The following NEGR1 variants were observed in gnomAD, a reference collection of about 807,000 sequenced individuals.
NEGR1 encodes the protein IgLON family member 4.
NEGR1 carries 10 observed loss-of-function variants against 40.9 expected under a neutral mutation model. The observed-to-expected ratio is 0.24, with a 90% CI of 0.15 to 0.42. The LOEUF is 0.42. NEGR1 is among the 10% of genes least tolerant of loss of function. The pLI is 1.00. For synonymous variants in NEGR1, 185 were observed against 166.8 expected (o/e 1.11, Z -0.84); for missense variants, 352 against 438.9 (o/e 0.80, Z 1.77).
chr1:71,947,023 G>T (rs1646026033), intron 1 of NEGR1, among the ~76,000 whole-genome samples: 1 of 150,248 alleles, frequency 6.7e-6, no homozygotes, highest in Non-Finnish European at 1.5e-5. Flanking sequence ...GGGAGGTGGA[G>T]GTTGCAGTGA....
intron 3 of NEGR1, among the ~76,000 whole-genome samples, chr1:71,700,847 A>T (rs867271938): frequency 6.6e-6 from 1 of 151,984 alleles, no homozygotes; most frequent in Non-Finnish European, 1.5e-5. Flanking sequence ...TCTGGGAGGG[A>T]CAATACTAAT....
intron 3 of NEGR1, among the ~76,000 whole-genome samples, chr1:71,727,585 A>G (rs950489410): frequency 6.6e-6 from 1 of 152,170 alleles, no homozygotes; most frequent in African/African-American, 2.4e-5. Context: ...GCACAAATAC[A>G]AGAAAGAACA....
At chr1:71,690,088 T>C (rs912669551) in intron 4 of NEGR1, among the ~76,000 whole-genome samples, 2 of 152,022 alleles carry the variant, frequency 1.3e-5, no homozygotes, top group African/African-American at 2.4e-5. Flanking sequence ...ATTTCTACCA[T>C]ACTCTGCCCC....
At chr1:71,962,203 G>T (rs535105090) in intron 1 of NEGR1, among the ~76,000 whole-genome samples, 1 of 152,150 alleles carries the variant, frequency 6.6e-6, no homozygotes, top group East Asian at 1.9e-4. Context: ...ATGTGCACTT[G>T]TCAACACAAA....
chr1:72,236,900 G>T (rs1654566461), intron 1 of NEGR1, among the ~76,000 whole-genome samples: 2 of 151,812 alleles, frequency 1.3e-5, no homozygotes, highest in Non-Finnish European at 2.9e-5. Context: ...CTAAACCAGG[G>T]TTAAAATATT....
intron 4 of NEGR1, among the ~76,000 whole-genome samples, chr1:71,674,590 A>G (rs950139518): frequency 4.2e-5 from 5 of 119,740 alleles, no homozygotes; most frequent in East Asian, 2.0e-4. Context: ...GGGAGGGCAC[A>G]CACACACACA....
chr1:71,500,911 A>C (rs1646994265), intron 6 of NEGR1, among the ~76,000 whole-genome samples: 1 of 151,822 alleles, frequency 6.6e-6, no homozygotes, highest in African/African-American at 2.4e-5. Context: ...GTTATTTTTT[A>C]TTTTTTGAAT....
At chr1:72,010,243 C>T (rs1462107711) in intron 1 of NEGR1, among the ~76,000 whole-genome samples, 3 of 151,980 alleles carry the variant, frequency 2.0e-5, no homozygotes, top group Non-Finnish European at 4.4e-5. Context: ...CTGCTGACAC[C>T]TGTGGTTGCC....
chr1:71,712,592 A>G (rs561210680), intron 3 of NEGR1, among the ~76,000 whole-genome samples: 79 of 152,330 alleles, frequency 5.2e-4, no homozygotes, highest in African/African-American at 1.9e-3. Flanking sequence ...CATAAGTTCA[A>G]GTACAGAGAT....
chr1:71,566,192 AT>A (rs927055652), intron 6 of NEGR1, among the ~76,000 whole-genome samples: 1 of 152,076 alleles, frequency 6.6e-6, no homozygotes, highest in South Asian at 2.1e-4. Context: ...GTTTGTAGTA[AT>A]TTTTTATGAC....
intron 2 of NEGR1, among the ~76,000 whole-genome samples, chr1:71,927,962 A>G (rs934831765): frequency 6.8e-6 from 1 of 148,018 alleles, no homozygotes; most frequent in Non-Finnish European, 1.5e-5. Context: ...CTGAGCCACT[A>G]CACTTCAGCC....
At chr1:71,574,599 A>T (rs953830133) in intron 6 of NEGR1, among the ~76,000 whole-genome samples, 5 of 152,136 alleles carry the variant, frequency 3.3e-5, no homozygotes, top group African/African-American at 1.2e-4. Context: ...GAAGTAGGTG[A>T]TGGGAGTTTA....
chr1:71,803,078 A>G (rs1557658160), intron 2 of NEGR1, among the ~76,000 whole-genome samples: 1 of 152,132 alleles, frequency 6.6e-6, no homozygotes, highest in Non-Finnish European at 1.5e-5. Flanking sequence ...TATATGTTGA[A>G]ATCCTAACCT....
At chr1:71,770,648 A>G (rs1656285320) in intron 3 of NEGR1, among the ~76,000 whole-genome samples, 1 of 152,226 alleles carries the variant, frequency 6.6e-6, no homozygotes, top group Non-Finnish European at 1.5e-5. Flanking sequence ...ATAAGGACAC[A>G]GGAGACCGAT....
chr1:71,845,800 C>T (rs1659387511), intron 2 of NEGR1, among the ~76,000 whole-genome samples: 1 of 152,026 alleles, frequency 6.6e-6, no homozygotes, highest in South Asian at 2.1e-4. Flanking sequence ...TGCTGTGTCA[C>T]TCATGCTGAA....
At chr1:71,787,842 C>G (rs969143365) in intron 2 of NEGR1, among the ~76,000 whole-genome samples, 3 of 152,156 alleles carry the variant, frequency 2.0e-5, no homozygotes, top group Non-Finnish European at 4.4e-5. Flanking sequence ...TTGGCAAGGC[C>G]TTCAGACTAT....
At chr1:72,171,389 T>C (rs1651959520) in intron 1 of NEGR1, among the ~76,000 whole-genome samples, 2 of 152,276 alleles carry the variant, frequency 1.3e-5, no homozygotes, top group South Asian at 4.1e-4. Context: ...CCCTTTGCCC[T>C]TTCTGGCACC....
chr1:71,609,863 C>A (rs1299390532), intron 5 of NEGR1, among the ~76,000 whole-genome samples: 1 of 152,078 alleles, frequency 6.6e-6, no homozygotes, highest in Non-Finnish European at 1.5e-5. Context: ...GGGGAAAGAC[C>A]CATGGGAGGT....
At chr1:71,504,499 G>A (rs1647019786) in intron 6 of NEGR1, among the ~76,000 whole-genome samples, 1 of 152,016 alleles carries the variant, frequency 6.6e-6, no homozygotes, top group Admixed American at 6.6e-5. Context: ...AAGCCAGGAC[G>A]GTTTAAAAGA....
Sources: gnomAD v4.1 joint callset for allele counts (sites outside exome capture counted in the v4.1 genomes callset) on GRCh38, gnomAD v4.1.1 for gene constraint, MANE v1.5 for transcripts, NCBI Gene and HGNC (gene_info 2026-07-23, HGNC 2026-07-21) for gene names.